TTN: variants seen among roughly 807,000 people sequenced by gnomAD.
TTN encodes titin.
A neutral mutation model predicts 3,223.0 loss-of-function variants in TTN; 1,525 were observed. The observed-to-expected ratio is 0.47, with a 90% CI of 0.45 to 0.49. TTN has a LOEUF of 0.49. TTN is among the 20% of genes least tolerant of loss of function. The pLI, the probability that TTN is intolerant of heterozygous loss-of-function variation, is 0.00. For synonymous variants in TTN, 14,094 were observed against 15,161.0 expected (o/e 0.93, Z 5.17); for missense variants, 40,786 against 43,424.0 (o/e 0.94, Z 5.40).
rs895098388 is a variant in TTN at position 178,585,229 on chromosome 2, A to G, written c.64515T>C (p.Asp21505=). 1 of 1,613,346 alleles carries G rather than the reference A, an allele frequency of 6.2e-7. No individual in the cohort carries two copies. Among genetic ancestry groups the G allele is most frequent in the Middle Eastern group, 1.7e-4 (1 of 6,056 alleles). The change falls in exon 309 of 363, where the codon GAT becomes GAC. Residue 21505 remains aspartate (D), a synonymous_variant. Transcript: ENST00000589042. ...HPTCKWKKGE[D]EVVTSSHLAV... is the part of the protein sequence containing the mutation. ...CCAGGTGGCTGGATGTGACAACTTC[A>G]TCTTCTCCTTTTTTCCATTTACAGG...
intron 1 of TTN, among the ~76,000 whole-genome samples, chr2:178,804,924 G>A (rs1227685817): frequency 6.6e-6 from 1 of 152,134 alleles, no homozygotes; most frequent in Non-Finnish European, 1.5e-5. Context: ...GAACCCTAGT[G>A]GTCAAAGAGG....
Position 178,602,042 on chromosome 2 carries a change from G to A in TTN, c.55229C>T (p.Ser18410Leu), listed in dbSNP as rs1184146630. 6.2e-7 allele frequency: 1 copy of A among 1,612,710 alleles called. No individual in the cohort carries two copies. The highest frequency in any genetic ancestry group is 1.7e-5 in the Admixed American group (1 of 59,924). The part of the protein sequence containing the change: ...AVIKGRPTPK[S>L]SWEFDGKAKK... ...TGCCTTTCCATCAAATTCCCAAGATGATTTTGGTGTTGGGCGTCCCTTGAT... is the reference window on the plus strand; with the variant it reads ...TGCCTTTCCATCAAATTCCCAAGATAATTTTGGTGTTGGGCGTCCCTTGAT... The change falls in exon 284 of 363, where the codon TCA becomes TTA. Residue 18410 changes from serine to leucine, a missense_variant. By Grantham distance (145) the Ser-to-Leu change is moderately radical. Coordinates refer to ENST00000589042, the MANE Select transcript of TTN (RefSeq NM_001267550.2).
rs1477695783 is a variant in TTN at position 178,712,071 on chromosome 2, C to T, written c.27759G>A (p.Met9253Ile). 2 of 1,613,636 alleles carry T rather than the reference C, an allele frequency of 1.2e-6. No individual in the cohort carries two copies. Among genetic ancestry groups the T allele is most frequent in the African/African-American group, 2.7e-5 (2 of 74,882 alleles). ...TKLRPTTTYK[M>I]HFRNNVATLV... is the part of the protein sequence containing the mutation. ...GTGTAGCAACATTATTCCTAAAATG[C>T]ATTTTGTAAGTCGTAGTGGGTCTCA... Residue 9253 changes from methionine (M) to isoleucine (I), a missense_variant, in exon 96 of 363, where the codon ATG (methionine) becomes ATA (isoleucine). Met to Ile is a conservative substitution (Grantham distance 10). Transcript: ENST00000589042.
Position 178,539,073 on chromosome 2 carries a change from G to A in TTN, c.98862C>T (p.Thr32954=), listed in dbSNP as rs878958925. The A allele has an allele frequency of 6.2e-6, 10 of 1,613,778 alleles. No homozygotes were observed. The highest frequency in any genetic ancestry group is 8.5e-6 in the Non-Finnish European group (10 of 1,179,746). The change falls in exon 353 of 363, where the codon ACC becomes ACT. Residue 32954 remains threonine (T), a synonymous_variant. Coordinates refer to ENST00000589042, the MANE Select transcript of TTN (RefSeq NM_001267550.2). ...CAAGCCCTGTGACAGTGTACATTGTGGTGGTGATCTGAGTCTTGTTGTGTC... is the reference window on the plus strand; with the variant it reads ...CAAGCCCTGTGACAGTGTACATTGTAGTGGTGATCTGAGTCTTGTTGTGTC... ...WVRHNKTQIT[T]TMYTVTGLVP... is the part of the protein sequence containing the mutation.
chr2:178,738,053 C>T, intron 49 of TTN, 29 bp downstream of exon 49: 1 of 1,597,888 alleles, frequency 6.3e-7, no homozygotes, highest in Non-Finnish European at 8.6e-7. Flanking sequence ...AATGAAGTGA[C>T]AACATCTGTG....
intron 270 of TTN, among the ~76,000 whole-genome samples, 175 bp downstream of exon 270, chr2:178,610,818 G>A (rs1033022724): frequency 5.9e-5 from 9 of 151,904 alleles, no homozygotes; most frequent in African/African-American, 1.9e-4. Flanking sequence ...AGCGTTTAGC[G>A]ATTTCATCTC....
intron 9 of TTN, 35 bp from the exon 10 acceptor site, chr2:178,792,232 C>CCAGCACTT: frequency 6.3e-7 from 1 of 1,582,018 alleles, no homozygotes. Context: ...ACTTTATTTC[C>CCAGCACTT]TGATGCCCAA....
chr2:178,621,016 T>G, intron 246 of TTN, 23 bp from the exon 247 acceptor site: 1 of 1,606,720 alleles, frequency 6.2e-7, no homozygotes, highest in South Asian at 1.1e-5. Flanking sequence ...GACAAGACTT[T>G]ATAGTATGAA....
In TTN at chr2:178,724,492, T is replaced by C. The variant is rs758209399; in HGVS notation, c.20883A>G (p.Val6961=). The C allele has an allele frequency of 6.2e-7, 1 of 1,609,036 alleles. No homozygotes were observed. Among genetic ancestry groups the C allele is most frequent in the East Asian group, 2.2e-5 (1 of 44,724 alleles). The stretch of plus-strand genomic sequence containing the variant: ...TACACTCCAGAGTGCACGTTTCTCC[T>C]ACAGTCACCGTCATCGGTCCTGCCT... ...VEKAGPMTVT[V]GETCTLECKV... Residue 6961 remains valine (V), a synonymous_variant, in exon 72 of 363, where the codon GTA becomes GTG. Transcript: ENST00000589042.
At chr2:178,598,143 G>C in intron 292 of TTN, 85 bp from the exon 293 acceptor site, 1 of 1,452,524 alleles carries the variant, frequency 6.9e-7, no homozygotes, top group Middle Eastern at 1.8e-4. Flanking sequence ...ATCACCAGCA[G>C]CCTATTTAAC....
At position 178,671,083 on chromosome 2, in the gene TTN, A is replaced by G; in HGVS notation, c.35308+7T>C. The G allele has an allele frequency of 2.5e-6, 4 of 1,598,134 alleles. No homozygotes were observed. The highest frequency in any genetic ancestry group is 2.6e-6 in the Non-Finnish European group (3 of 1,173,782). ...AGTTAAGTAGTAATTTTTCACAAAG[A>G]AGATACCTTTAGCTGGTGGCTCTTT... On this transcript the variant is annotated splice_region_variant and intron_variant, in intron 156 of 362. Transcript: ENST00000589042.
chr2:178,626,723 C>T (rs1303421450), intron 240 of TTN, among the ~76,000 whole-genome samples: 7 of 151,774 alleles, frequency 4.6e-5, no homozygotes, highest in Non-Finnish European at 4.4e-5. Flanking sequence ...TATCCGAGGG[C>T]ATGGTGCTGA....
At chr2:178,755,363 T>C (rs2086632022) in intron 46 of TTN, among the ~76,000 whole-genome samples, 1 of 152,150 alleles carries the variant, frequency 6.6e-6, no homozygotes, top group African/African-American at 2.4e-5. Context: ...GCATCATTTA[T>C]GGAGAAATAT....
At position 178,686,735 on chromosome 2, in the gene TTN, A is replaced by G. The variant is rs187536970; in HGVS notation, c.32312-1137T>C. Among the ~76,000 whole-genome samples the G allele has an allele frequency of 1.6e-4, 25 of 152,314 alleles. No individual in the cohort carries two copies. In the East Asian group the frequency reaches 3.7e-3, roughly 22 times the overall value. On this transcript the variant is annotated intron_variant, in intron 127 of 362. Transcript: ENST00000589042. ...TGGTCAAAGTTAAATAAGGAATAGA[A>G]GTGTCTGGTTAAAAACATATCTGCT...
At chr2:178,764,953 A>G in intron 41 of TTN, 142 bp from the exon 42 acceptor site, 3 of 858,828 alleles carry the variant, frequency 3.5e-6, no homozygotes, top group Non-Finnish European at 5.4e-6. Context: ...CTTGCCTCAG[A>G]ATATTAGAAC....
intron 258 of TTN, 69 bp from the exon 259 acceptor site, chr2:178,615,553 C>G: frequency 6.2e-7 from 1 of 1,608,388 alleles, no homozygotes. Flanking sequence ...CATTGCCAAC[C>G]CCTGCCTTGC....
chr2:178,614,433 T>C (rs1254370012), intron 261 of TTN, 33 bp downstream of exon 261: 4 of 1,583,716 alleles, frequency 2.5e-6, no homozygotes, highest in Non-Finnish European at 3.4e-6. Context: ...CTGCAAAGAG[T>C]TTATCCCCTT....
rs1309344058 is a variant in TTN at position 178,552,605 on chromosome 2, G to A, written c.90295C>T (p.Leu30099=). Residue 30099 remains leucine (L), a synonymous_variant, in exon 335 of 363, where the codon CTG becomes TTG. Coordinates refer to ENST00000589042, the MANE Select transcript of TTN (RefSeq NM_001267550.2). The stretch of plus-strand genomic sequence containing the variant: ...TTTTTGGCAAACACTCTGAACTCCA[G>A]GACTGACTGCTCCTTAAGTTGGCTA... ...EVSQLKEQSV[L]EFRVFAKNEK... The A allele has an allele frequency of 6.2e-7, 1 of 1,613,868 alleles. No individual in the cohort carries two copies. The highest frequency in any genetic ancestry group is 1.7e-5 in the Admixed American group (1 of 60,000).
chr2:178,735,966 A>T lies in TTN; in HGVS notation c.14480T>A (p.Ile4827Asn). The change falls in exon 50 of 363, where the codon ATT becomes AAT. Residue 4827 changes from isoleucine (I) to asparagine (N), a missense_variant. Ile to Asn is a moderately radical substitution (Grantham distance 149). Transcript: ENST00000589042. ...TVTGTPVIET[I>N]WQKDGAALSP... ...GAGTGCAGCACCATCTTTCTGCCAAATGGTTTCTATCACAGGAGTCCCTGT... is the reference window on the plus strand; with the variant it reads ...GAGTGCAGCACCATCTTTCTGCCAATTGGTTTCTATCACAGGAGTCCCTGT... The T allele has an allele frequency of 6.2e-7, 1 of 1,613,818 alleles. No homozygotes were observed. The highest frequency in any genetic ancestry group is 2.2e-5 in the East Asian group (1 of 44,840).
Sources: gnomAD v4.1 joint callset for allele counts (sites outside exome capture counted in the v4.1 genomes callset) on GRCh38, gnomAD v4.1.1 for gene constraint, MANE v1.5 for transcripts, NCBI Gene and HGNC (gene_info 2026-07-23, HGNC 2026-07-21) for gene names.